Variants in FUT9 observed in about 807,000 individuals in gnomAD.
FUT9 encodes the protein fucosyltransferase 9.
In FUT9, 15 loss-of-function variants were observed where a neutral mutation model predicts 29.7. The observed-to-expected ratio is 0.51, with a 90% CI of 0.34 to 0.78. The LOEUF (loss-of-function observed/expected upper bound fraction) is 0.78. Among genes scored for constraint, FUT9 ranks in the 30% least tolerant of loss-of-function variants. The pLI, the probability that FUT9 is intolerant of heterozygous loss-of-function variation, is 0.01. For synonymous variants in FUT9, 169 were observed against 153.7 expected, an observed-to-expected ratio of 1.10 and a Z score of -0.74; for missense variants, 319 against 425.4, an observed-to-expected ratio of 0.75 and a Z score of 2.20.
chr6:96,019,288 A>G (rs985948589), intron 1 of FUT9, among the ~76,000 whole-genome samples: 7 of 152,054 alleles, frequency 4.6e-5, no homozygotes, highest in African/African-American at 7.2e-5. Context: ...AAGAGGATTC[A>G]GTCAAGAGAT....
At chr6:96,137,170 T>A in intron 2 of FUT9, among the ~76,000 whole-genome samples, 1 of 151,898 alleles carries the variant, frequency 6.6e-6, no homozygotes, top group East Asian at 1.9e-4. Context: ...AACAGTGAAG[T>A]GTTTTAAAAA....
At chr6:96,101,166 T>C (rs563080014) in intron 1 of FUT9, among the ~76,000 whole-genome samples, 2 of 152,338 alleles carry the variant, frequency 1.3e-5, no homozygotes, top group East Asian at 3.9e-4. Context: ...CAAATATATA[T>C]GTGTGGGCAT....
chr6:96,138,427 G>C (rs1264709754), intron 2 of FUT9, among the ~76,000 whole-genome samples: 2 of 150,594 alleles, frequency 1.3e-5, no homozygotes, highest in Admixed American at 1.3e-4. Context: ...TTCCAAAAAA[G>C]GATATGTGCA....
intron 2 of FUT9, among the ~76,000 whole-genome samples, chr6:96,188,396 A>T (rs4240602): frequency 6.6e-6 from 1 of 151,958 alleles, no homozygotes; most frequent in East Asian, 1.9e-4. Flanking sequence ...CCTCCTGAGT[A>T]GCAAGCAATC....
At chr6:96,040,562 C>T (rs1396164253) in intron 1 of FUT9, among the ~76,000 whole-genome samples, 3 of 152,118 alleles carry the variant, frequency 2.0e-5, no homozygotes, top group Non-Finnish European at 2.9e-5. Flanking sequence ...TTTATTTTGT[C>T]GGTGATCCTA....
chr6:96,157,923 A>C (rs368157347), intron 2 of FUT9, among the ~76,000 whole-genome samples: 1 of 152,160 alleles, frequency 6.6e-6, no homozygotes, highest in Non-Finnish European at 1.5e-5. Context: ...ATTTGTAAAA[A>C]TGTGATTTCT....
At chr6:96,128,084 A>G (rs911853955) in intron 2 of FUT9, among the ~76,000 whole-genome samples, 4 of 152,138 alleles carry the variant, frequency 2.6e-5, no homozygotes, top group Non-Finnish European at 4.4e-5. Flanking sequence ...AGAAAATTGT[A>G]AAGAGCTTTT....
At chr6:96,108,026 G>C (rs2031849216) in intron 1 of FUT9, among the ~76,000 whole-genome samples, 1 of 149,524 alleles carries the variant, frequency 6.7e-6, no homozygotes. Context: ...CTATGGACCT[G>C]GGGAGATGAC....
At chr6:96,041,384 G>T (rs1770456310) in intron 1 of FUT9, among the ~76,000 whole-genome samples, 3 of 152,038 alleles carry the variant, frequency 2.0e-5, no homozygotes, top group African/African-American at 7.2e-5. Context: ...AATTTCATAA[G>T]CTTTGTGTAA....
chr6:96,201,358 T>C (rs545025755), intron 2 of FUT9, among the ~76,000 whole-genome samples: 18 of 151,976 alleles, frequency 1.2e-4, no homozygotes, highest in Non-Finnish European at 2.4e-4. Context: ...TTGCTATTTT[T>C]GGTATTACAT....
At chr6:96,102,580 T>G (rs941349022) in intron 1 of FUT9, among the ~76,000 whole-genome samples, 14 of 152,184 alleles carry the variant, frequency 9.2e-5, no homozygotes, top group African/African-American at 3.4e-4. Context: ...AGACACATTT[T>G]GCTACAATAC....
intron 1 of FUT9, among the ~76,000 whole-genome samples, chr6:96,081,920 A>T (rs1771244384): frequency 6.6e-6 from 1 of 151,814 alleles, no homozygotes; most frequent in Admixed American, 6.6e-5. Flanking sequence ...CCTGATTGCT[A>T]ATGCAGTTGA....
intron 1 of FUT9, among the ~76,000 whole-genome samples, chr6:96,042,450 C>T (rs910397555): frequency 1.3e-5 from 2 of 152,120 alleles, no homozygotes; most frequent in African/African-American, 4.8e-5. Flanking sequence ...TGCCCACTAC[C>T]TAAATTCTGT....
At chr6:96,061,634 T>G (rs1320133968) in intron 1 of FUT9, among the ~76,000 whole-genome samples, 1 of 152,202 alleles carries the variant, frequency 6.6e-6, no homozygotes, top group African/African-American at 2.4e-5. Flanking sequence ...GTTAAACTGA[T>G]CTCCACTATG....
chr6:96,150,427 C>T (rs1772655342), intron 2 of FUT9, among the ~76,000 whole-genome samples: 1 of 152,126 alleles, frequency 6.6e-6, no homozygotes, highest in Non-Finnish European at 1.5e-5. Context: ...CTTCCTGAGC[C>T]TCTAGTGTGT....
chr6:96,100,264 CACACACACACACA>C (rs1771567058), intron 1 of FUT9, among the ~76,000 whole-genome samples: 1 of 30,706 alleles, frequency 3.3e-5, no homozygotes, highest in African/African-American at 6.5e-5. Flanking sequence ...CACACACACA[CACACACACACACA>C]TATAATATTT....
intron 1 of FUT9, among the ~76,000 whole-genome samples, chr6:96,043,803 A>G (rs1770511262): frequency 6.6e-6 from 1 of 152,280 alleles, no homozygotes; most frequent in Admixed American, 6.5e-5. Context: ...ACTCTCTTAT[A>G]TTCATATAAG....
chr6:96,117,132 G>T (rs1771926905), intron 2 of FUT9, among the ~76,000 whole-genome samples: 1 of 151,982 alleles, frequency 6.6e-6, no homozygotes, highest in Non-Finnish European at 1.5e-5. Flanking sequence ...AAAGAATGAG[G>T]CTAACTCTAA....
chr6:96,092,956 CAG>C (rs1259703864), intron 1 of FUT9, among the ~76,000 whole-genome samples: 1 of 152,004 alleles, frequency 6.6e-6, no homozygotes, highest in Non-Finnish European at 1.5e-5. Flanking sequence ...ATCATAGAGA[CAG>C]AGTCTTGCTA....
Sources: gnomAD v4.1 joint callset for allele counts (sites outside exome capture counted in the v4.1 genomes callset) on GRCh38, gnomAD v4.1.1 for gene constraint, MANE v1.5 for transcripts, NCBI Gene and HGNC (gene_info 2026-07-23, HGNC 2026-07-21) for gene names.